Variants in RPRD2 observed in about 807,000 individuals in gnomAD.
RPRD2 encodes regulation of nuclear pre-mRNA domain-containing protein 2.
RPRD2 carries 12 observed loss-of-function variants against 104.4 expected under a neutral mutation model. The ratio of observed to expected loss-of-function variants is 0.11; its 90% CI spans 0.07 to 0.19. The LOEUF (loss-of-function observed/expected upper bound fraction) is 0.19, where lower values mean the gene tolerates loss of function less well. RPRD2 is among the 10% of genes least tolerant of loss of function. RPRD2 has a pLI of 1.00. For missense variants in RPRD2, 1,543 were observed against 1,790.1 expected, an observed-to-expected ratio of 0.86 and a Z score of 2.49; for synonymous variants, 714 against 684.9, an observed-to-expected ratio of 1.04 and a Z score of -0.66.
rs781818362 is a variant in RPRD2 at position 150,364,689 on chromosome 1, C to A, written c.-26C>A. On this transcript the variant is annotated 5_prime_UTR_variant, in exon 1 of 11. Coordinates refer to ENST00000369068, the MANE Select transcript of RPRD2 (RefSeq NM_015203.5). ...GCCGCCGCCGCCGCCGCCAGAGGAG[C>A]AGCAGCGCTTGTGCAAACCGGGAAG... 14 of 1,422,338 alleles carry A rather than the reference C, an allele frequency of 9.8e-6. No individual in the cohort carries two copies. The highest frequency in any genetic ancestry group is 1.2e-5 in the Non-Finnish European group (12 of 1,034,980). The allele number at this position is 1,422,338 out of a possible 1,614,324, so 88.1% of individuals were successfully genotyped here.
intron 2 of RPRD2, among the ~76,000 whole-genome samples, chr1:150,423,937 C>T (rs2102297054): frequency 6.6e-6 from 1 of 151,950 alleles, no homozygotes; most frequent in South Asian, 2.1e-4. Flanking sequence ...GGATTACAGG[C>T]ATGCGCCACC....
Position 150,406,653 on chromosome 1 carries a change from C to T in RPRD2, c.206-10943C>T, listed in dbSNP as rs1438842864. ...ACCTCAAATGATCCTCCTGCCTAGGCCTCCAAAAGTGCTGGTATTACAGGA... is the reference window on the plus strand; with the variant it reads ...ACCTCAAATGATCCTCCTGCCTAGGTCTCCAAAAGTGCTGGTATTACAGGA... On this transcript the variant is annotated intron_variant, in intron 1 of 10. Transcript: ENST00000369068. Among the ~76,000 whole-genome samples the T allele has an allele frequency of 3.9e-5, 6 of 152,176 alleles. No homozygotes were observed. The South Asian group carries it at 1.0e-3, about 26-fold the overall frequency.
chr1:150,411,804 A>AC (rs1358912888), intron 1 of RPRD2, among the ~76,000 whole-genome samples: 2 of 75,090 alleles, frequency 2.7e-5, no homozygotes, highest in African/African-American at 6.1e-5. Context: ...AAAAAAAAAA[A>AC]AAAAAAAAAA....
chr1:150,368,497 CTT>C (rs1417787603), intron 1 of RPRD2, among the ~76,000 whole-genome samples: 4 of 130,314 alleles, frequency 3.1e-5, no homozygotes, highest in African/African-American at 8.7e-5. Context: ...GAGTTTCACT[CTT>C]TTCACCCATG....
At chr1:150,405,520 A>T (rs587662520) in intron 1 of RPRD2, among the ~76,000 whole-genome samples, 1 of 152,256 alleles carries the variant, frequency 6.6e-6, no homozygotes, top group East Asian at 1.9e-4. Flanking sequence ...AATCAGCTGA[A>T]TGTTTTGATG....
intron 10 of RPRD2, among the ~76,000 whole-genome samples, chr1:150,469,948 G>A (rs1040926325): frequency 6.6e-6 from 1 of 152,092 alleles, no homozygotes; most frequent in African/African-American, 2.4e-5. Flanking sequence ...ACGGATGGTT[G>A]AAAGCATTGT....
chr1:150,458,327 G>C (rs367744346), intron 8 of RPRD2, among the ~76,000 whole-genome samples: 1 of 151,704 alleles, frequency 6.6e-6, no homozygotes, highest in Non-Finnish European at 1.5e-5. Flanking sequence ...GGTGGCATGC[G>C]TCTGTAGCCC....
chr1:150,406,325 C>T (rs1663470955), intron 1 of RPRD2, among the ~76,000 whole-genome samples: 1 of 152,182 alleles, frequency 6.6e-6, no homozygotes, highest in African/African-American at 2.4e-5. Context: ...GGAGGGACTA[C>T]TGTAATTGCC....
At chr1:150,371,143 T>C (rs1275372982) in intron 1 of RPRD2, among the ~76,000 whole-genome samples, 1 of 152,220 alleles carries the variant, frequency 6.6e-6, no homozygotes, top group African/African-American at 2.4e-5. Context: ...ACGGTTAATG[T>C]ATGCCAATGG....
chr1:150,373,620 G>A (rs1019643846), intron 1 of RPRD2, among the ~76,000 whole-genome samples: 9 of 150,494 alleles, frequency 6.0e-5, no homozygotes, highest in African/African-American at 2.2e-4. Context: ...GAGTGGAGCA[G>A]ATTTTGGGAA....
intron 2 of RPRD2, among the ~76,000 whole-genome samples, chr1:150,431,655 A>G (rs1665605822): frequency 8.2e-6 from 1 of 121,718 alleles, no homozygotes; most frequent in Non-Finnish European, 1.9e-5. Context: ...TAATTTTTGT[A>G]TTTTTAGTAG....
rs562476167 is a variant in RPRD2 at position 150,387,567 on chromosome 1, C to CT, written c.205+22689dup. Reference sequence around the variant, plus strand: ...AAATCTTACAGAAGTTGCAACAGACCTTTTTTTTTTTTTTTTTTTTTTTTT... The same window carrying CT: ...AAATCTTACAGAAGTTGCAACAGACCTTTTTTTTTTTTTTTTTTTTTTTTTT... On this transcript the variant is annotated intron_variant, in intron 1 of 10. Coordinates refer to ENST00000369068, the MANE Select transcript of RPRD2 (RefSeq NM_015203.5). 7.6e-3 allele frequency among the ~76,000 whole-genome samples: 562 copies of CT among 73,726 alleles called. 78 individuals carry two copies. Among genetic ancestry groups the CT allele is most frequent in the East Asian group, 0.015 (29 of 1,958 alleles). 48.4% of individuals were successfully genotyped at this position (73,726 alleles called of 152,430 possible).
intron 2 of RPRD2, among the ~76,000 whole-genome samples, chr1:150,424,891 T>A (rs1665011778): frequency 6.6e-6 from 1 of 152,190 alleles, no homozygotes; most frequent in African/African-American, 2.4e-5. Context: ...AATTTTCTGT[T>A]ATTGTTGCTC....
intron 1 of RPRD2, among the ~76,000 whole-genome samples, chr1:150,371,686 A>G (rs1255405793): frequency 6.6e-6 from 1 of 152,172 alleles, no homozygotes; most frequent in Non-Finnish European, 1.5e-5. Context: ...GAGGTTAAGT[A>G]ACTTGCCCGT....
rs901471094 is a variant in RPRD2 at position 150,464,707 on chromosome 1, A to G, written c.1592A>G (p.Gln531Arg). ...ILSALSKTQTQSAPALQGLSS... is the reference protein window; with the variant it reads ...ILSALSKTQTRSAPALQGLSS... ...TCTGCACTTTCCAAAACCCAGACAC[A>G]GTCAGCCCCTGCACTGCAAGGTAAC... Residue 531 changes from glutamine (Q) to arginine (R), a missense_variant, in exon 10 of 11, where the codon CAG becomes CGG. Around this residue, in one of 4 missense-constraint regions of RPRD2, gnomAD observed 572 missense variants for 787.3 expected, o/e 0.73. Coordinates refer to ENST00000369068, the MANE Select transcript of RPRD2 (RefSeq NM_015203.5). 2 of 1,612,722 alleles carry G rather than the reference A, an allele frequency of 1.2e-6. No individual in the cohort carries two copies. The highest frequency in any genetic ancestry group is 2.7e-5 in the African/African-American group (2 of 74,880).
intron 1 of RPRD2, among the ~76,000 whole-genome samples, chr1:150,391,760 T>C (rs587740980): frequency 1.3e-5 from 2 of 152,106 alleles, no homozygotes; most frequent in South Asian, 4.1e-4. Context: ...GTACAAAAAT[T>C]AGCCGGGCCT....
intron 1 of RPRD2, among the ~76,000 whole-genome samples, chr1:150,407,859 G>A (rs1404937977): frequency 6.6e-6 from 1 of 152,116 alleles, no homozygotes; most frequent in Non-Finnish European, 1.5e-5. Flanking sequence ...GGATATTGAA[G>A]CCAGAGGGTA....
chr1:150,444,472 T>G, intron 6 of RPRD2, 95 bp downstream of exon 6: 4 of 1,295,038 alleles, frequency 3.1e-6, no homozygotes, highest in Non-Finnish European at 4.2e-6. Context: ...AGGAGATCCT[T>G]GGGTAGAAAG....
In RPRD2 at chr1:150,474,625, A is replaced by G. The variant is rs1386086145; in HGVS notation, c.*1291A>G. ...ACATCTAGTACTTGGGAAATAGACA[A>G]TCACTGTACTTTGAGTGTTTATATC... On this transcript the variant is annotated 3_prime_UTR_variant, in exon 11 of 11. Coordinates refer to ENST00000369068, the MANE Select transcript of RPRD2 (RefSeq NM_015203.5). 1 of 152,208 alleles carries G rather than the reference A, an allele frequency of 6.6e-6. No individual in the cohort carries two copies. Among genetic ancestry groups the G allele is most frequent in the Non-Finnish European group, 1.5e-5 (1 of 68,038 alleles). 9.4% of individuals were successfully genotyped at this position (152,208 alleles called of 1,614,324 possible). A position where few individuals can be genotyped will look rare whatever the true frequency, so the allele number is the denominator to read the frequency against.
Sources: gnomAD v4.1 joint callset for allele counts (sites outside exome capture counted in the v4.1 genomes callset) on GRCh38, gnomAD v4.1.1 for gene constraint, gnomAD v4.1.1 regional missense constraint, MANE v1.5 for transcripts, NCBI Gene and HGNC (gene_info 2026-07-23, HGNC 2026-07-21) for gene names.